PHLPP1: variants seen among roughly 807,000 people sequenced by gnomAD.
PHLPP1 encodes the protein PH domain leucine-rich repeat-containing protein phosphatase 1.
Under a neutral mutation model 117.2 loss-of-function variants are expected in PHLPP1, and 42 were observed. That is an observed-to-expected ratio of 0.36 (90% CI 0.28 to 0.46). PHLPP1 has a LOEUF of 0.46. PHLPP1 is among the 20% of genes least tolerant of loss of function. The probability of loss-of-function intolerance (pLI) is 1.00; values close to 1 mark genes in which losing one functional copy is unlikely to be tolerated. For missense variants in PHLPP1, 2,084 were observed against 2,241.9 expected (o/e 0.93, Z 1.42); for synonymous variants, 1,042 against 970.7 (o/e 1.07, Z -1.37).
intron 1 of PHLPP1, among the ~76,000 whole-genome samples, chr18:62,730,658 C>G (rs775385779): frequency 5.3e-5 from 8 of 151,924 alleles, no homozygotes; most frequent in Non-Finnish European, 8.8e-5. Flanking sequence ...CCTGTCACTA[C>G]TAAAAATACA....
chr18:62,861,899 G>T (rs1057361440), intron 4 of PHLPP1, among the ~76,000 whole-genome samples: 1 of 152,128 alleles, frequency 6.6e-6, no homozygotes, highest in Admixed American at 6.5e-5. Context: ...TTCTTTAACG[G>T]TAAGATCCAT....
chr18:62,973,063 G>T (rs998555618), intron 15 of PHLPP1, among the ~76,000 whole-genome samples: 2 of 152,178 alleles, frequency 1.3e-5, no homozygotes, highest in African/African-American at 2.4e-5. Flanking sequence ...ACTTTCTGTT[G>T]TGGGGACCTC....
intron 14 of PHLPP1, among the ~76,000 whole-genome samples, chr18:62,971,881 A>G (rs1911057234): frequency 1.3e-5 from 2 of 151,964 alleles, no homozygotes; most frequent in South Asian, 4.2e-4. Context: ...TACTAAAAAT[A>G]CAAAATTAGC....
intron 3 of PHLPP1, among the ~76,000 whole-genome samples, chr18:62,842,507 G>A (rs1238813255): frequency 4.6e-5 from 7 of 152,032 alleles, no homozygotes; most frequent in African/African-American, 4.8e-5. Flanking sequence ...GATTACAGGC[G>A]TGCGCCACCA....
At chr18:62,938,482 C>T (rs563093207) in intron 10 of PHLPP1, among the ~76,000 whole-genome samples, 1 of 152,234 alleles carries the variant, frequency 6.6e-6, no homozygotes, top group East Asian at 1.9e-4. Context: ...GGAAGAATGG[C>T]TTAAGTGAAT....
At chr18:62,849,832 A>AAATATATATATATATAT (rs1555677083) in intron 3 of PHLPP1, among the ~76,000 whole-genome samples, 1 of 33,084 alleles carries the variant, frequency 3.0e-5, no homozygotes, top group Non-Finnish European at 5.3e-5. Flanking sequence ...AAAAAAAAAA[A>AAATATATATATATATAT]ATATATATAT....
Position 62,979,351 on chromosome 18 carries a change from C to T in PHLPP1, c.5074C>T (p.Pro1692Ser). 7 of 1,548,862 alleles carry T rather than the reference C, an allele frequency of 4.5e-6. No individual in the cohort carries two copies. Among genetic ancestry groups the T allele is most frequent in the Non-Finnish European group, 6.1e-6 (7 of 1,144,184 alleles). Residue 1692 changes from proline (P) to serine (S), a missense_variant, in exon 17 of 17, where the codon CCA (proline) becomes TCA (serine). Physicochemically the swap from Pro to Ser is moderately conservative, Grantham distance 74. Transcript: ENST00000262719. ...QEQQQQQQPP[P>S]PPQLQPQLPR... ...GCAACAGCAGCAGCAGCAGCCGCCA[C>T]CACCCCCTCAGCTCCAGCCGCAGCT... is the stretch of plus-strand genomic sequence containing the variant.
intron 10 of PHLPP1, among the ~76,000 whole-genome samples, chr18:62,939,433 G>A (rs895984612): frequency 2.0e-5 from 3 of 152,156 alleles, no homozygotes; most frequent in African/African-American, 7.2e-5. Flanking sequence ...AGGAAATAAG[G>A]TGGTCTAAAT....
intron 1 of PHLPP1, among the ~76,000 whole-genome samples, chr18:62,737,301 G>C (rs999008944): frequency 2.0e-5 from 3 of 152,158 alleles, no homozygotes; most frequent in African/African-American, 7.2e-5. Context: ...GTGATGAGAT[G>C]AAAAGTGGTA....
At chr18:62,744,253 G>A (rs1911613282) in intron 1 of PHLPP1, among the ~76,000 whole-genome samples, 2 of 152,336 alleles carry the variant, frequency 1.3e-5, no homozygotes, top group East Asian at 3.9e-4. Flanking sequence ...CACCTGGTGC[G>A]AGCACACTCC....
At chr18:62,957,846 G>A (rs1266109929) in intron 12 of PHLPP1, among the ~76,000 whole-genome samples, 1 of 152,056 alleles carries the variant, frequency 6.6e-6, no homozygotes, top group Non-Finnish European at 1.5e-5. Flanking sequence ...CTCTCTAGTA[G>A]CTGGGATTAC....
At chr18:62,730,398 T>G (rs1422310684) in intron 1 of PHLPP1, among the ~76,000 whole-genome samples, 1 of 152,122 alleles carries the variant, frequency 6.6e-6, no homozygotes, top group Non-Finnish European at 1.5e-5. Flanking sequence ...TTCCTTGGGG[T>G]GGAAAGAGCA....
At chr18:62,759,922 C>G (rs1912159253) in intron 1 of PHLPP1, among the ~76,000 whole-genome samples, 1 of 152,180 alleles carries the variant, frequency 6.6e-6, no homozygotes, top group Non-Finnish European at 1.5e-5. Flanking sequence ...TGACTAATTT[C>G]ATCTTGGCTT....
At chr18:62,921,167 T>A (rs1400285062) in intron 10 of PHLPP1, among the ~76,000 whole-genome samples, 1 of 152,254 alleles carries the variant, frequency 6.6e-6, no homozygotes, top group Non-Finnish European at 1.5e-5. Flanking sequence ...AAGTGTTTCA[T>A]AACCTGAGTT....
chr18:62,801,627 A>G (rs1321156990), intron 1 of PHLPP1, among the ~76,000 whole-genome samples: 1 of 149,606 alleles, frequency 6.7e-6, no homozygotes, highest in African/African-American at 2.5e-5. Context: ...TAATTTTTGT[A>G]TTTTTACTAG....
At chr18:62,918,224 A>C (rs2144423369) in intron 9 of PHLPP1, among the ~76,000 whole-genome samples, 1 of 151,202 alleles carries the variant, frequency 6.6e-6, no homozygotes, top group East Asian at 1.9e-4. Flanking sequence ...AAAAAAAAAA[A>C]AGAGTTTGAC....
At chr18:62,797,569 C>T (rs1336388554) in intron 1 of PHLPP1, among the ~76,000 whole-genome samples, 1 of 152,146 alleles carries the variant, frequency 6.6e-6, no homozygotes, top group Non-Finnish European at 1.5e-5. Flanking sequence ...CTTGCTTTGA[C>T]TTGAGCAGAG....
chr18:62,775,887 T>C (rs1486677172), intron 1 of PHLPP1, among the ~76,000 whole-genome samples: 2 of 152,186 alleles, frequency 1.3e-5, no homozygotes, highest in Non-Finnish European at 2.9e-5. Flanking sequence ...AAGTTCATTA[T>C]CTACCTTTAG....
chr18:62,916,486 T>G (rs1909278931), intron 9 of PHLPP1, among the ~76,000 whole-genome samples: 1 of 151,966 alleles, frequency 6.6e-6, no homozygotes, highest in Admixed American at 6.6e-5. Context: ...CATTATGTTC[T>G]GCAGCAATAC....
Sources: gnomAD v4.1 joint callset for allele counts (sites outside exome capture counted in the v4.1 genomes callset) on GRCh38, gnomAD v4.1.1 for gene constraint, MANE v1.5 for transcripts, NCBI Gene and HGNC (gene_info 2026-07-23, HGNC 2026-07-21) for gene names.